PRR16: variants seen among roughly 807,000 people sequenced by gnomAD.
The protein encoded by PRR16 is proline rich 16.
A neutral mutation model predicts 18.2 loss-of-function variants in PRR16; 6 were observed. That is an observed-to-expected ratio of 0.33 (90% confidence interval 0.18 to 0.65). The LOEUF (loss-of-function observed/expected upper bound fraction) is 0.65. Ranked by LOEUF, PRR16 falls within the 30% of genes least tolerant of loss-of-function variation. The pLI is 0.74. For missense variants in PRR16, 412 were observed against 376.6 expected (o/e 1.09, Z -0.78); for synonymous variants, 151 against 147.8 (o/e 1.02, Z -0.16).
intron 1 of PRR16, among the ~76,000 whole-genome samples, chr5:120,582,869 T>C (rs1438051981): frequency 1.3e-5 from 2 of 152,234 alleles, no homozygotes; most frequent in Non-Finnish European, 1.5e-5. Flanking sequence ...TATTTATTGG[T>C]GCATAATAAA....
chr5:120,662,682 G>A (rs960433168), intron 1 of PRR16, among the ~76,000 whole-genome samples: 2 of 151,972 alleles, frequency 1.3e-5, no homozygotes, highest in Non-Finnish European at 1.5e-5. Context: ...AATTTAAAAA[G>A]CTCTGCTTAA....
At chr5:120,549,382 G>A (rs1204531967) in intron 1 of PRR16, among the ~76,000 whole-genome samples, 1 of 151,946 alleles carries the variant, frequency 6.6e-6, no homozygotes, top group Non-Finnish European at 1.5e-5. Flanking sequence ...CAGGGCCCAG[G>A]CTCCTTTATT....
chr5:120,655,516 TGTTAGAAGTAGTA>T (rs1031347521), intron 1 of PRR16, among the ~76,000 whole-genome samples: 6 of 151,338 alleles, frequency 4.0e-5, no homozygotes, highest in Non-Finnish European at 8.9e-5. Context: ...GGAGAGGAAG[TGTTAGAAGTAGTA>T]GTTTGACAAT....
chr5:120,716,881 A>G, the PRR16 span, among the ~76,000 whole-genome samples: 1 of 151,874 alleles, frequency 6.6e-6, no homozygotes, highest in Admixed American at 6.6e-5. Context: ...CAAAAAAACA[A>G]AACAAAATAA....
chr5:120,498,719 A>AT (rs1160638188), intron 1 of PRR16, among the ~76,000 whole-genome samples: 2 of 150,380 alleles, frequency 1.3e-5, no homozygotes, highest in Non-Finnish European at 3.0e-5. Flanking sequence ...CAGTTCTCTT[A>AT]TTTTTTATTT....
chr5:120,590,888 T>A (rs558897229), intron 1 of PRR16, among the ~76,000 whole-genome samples: 1 of 152,294 alleles, frequency 6.6e-6, no homozygotes, highest in Admixed American at 6.5e-5. Context: ...AGTTCTGGTA[T>A]AGAGTAGTGC....
intron 1 of PRR16, among the ~76,000 whole-genome samples, chr5:120,556,318 A>G (rs1340770109): frequency 1.4e-5 from 2 of 143,368 alleles, no homozygotes; most frequent in African/African-American, 5.3e-5. Context: ...GGAGGTCTGT[A>G]TAATCTGTAA....
chr5:120,674,103 C>T (rs1332869177), intron 1 of PRR16, among the ~76,000 whole-genome samples: 3 of 152,104 alleles, frequency 2.0e-5, no homozygotes, highest in East Asian at 1.9e-4. Context: ...TCTTACATGT[C>T]GACGCTACAG....
chr5:120,792,895 T>G, the PRR16 span, among the ~76,000 whole-genome samples: 3 of 150,790 alleles, frequency 2.0e-5, no homozygotes, highest in Non-Finnish European at 4.5e-5. Flanking sequence ...CTCACGCCTG[T>G]TAATCCAGAA....
chr5:120,758,680 G>A, the PRR16 span, among the ~76,000 whole-genome samples: 751 of 152,068 alleles, frequency 4.9e-3, 7 homozygotes, highest in African/African-American at 0.016. Flanking sequence ...CATGTAAGAC[G>A]TGCCTTGCTT....
intron 1 of PRR16, among the ~76,000 whole-genome samples, chr5:120,661,331 A>C (rs956528834): frequency 5.9e-5 from 9 of 151,950 alleles, no homozygotes; most frequent in African/African-American, 1.7e-4. Context: ...TCTGAGACCA[A>C]CCTGACTTTT....
chr5:120,789,668 T>C, the PRR16 span, among the ~76,000 whole-genome samples: 6 of 152,228 alleles, frequency 3.9e-5, no homozygotes, highest in South Asian at 1.2e-3. Context: ...TTATCTGAAG[T>C]TCTAAACACT....
At chr5:120,620,025 C>T (rs1013834981) in intron 1 of PRR16, among the ~76,000 whole-genome samples, 7 of 151,864 alleles carry the variant, frequency 4.6e-5, no homozygotes, top group African/African-American at 1.7e-4. Flanking sequence ...GTTATTAGAG[C>T]GGAGCTAAAA....
At chr5:120,475,811 A>C (rs969133217) in intron 1 of PRR16, among the ~76,000 whole-genome samples, 1 of 152,186 alleles carries the variant, frequency 6.6e-6, no homozygotes, top group African/African-American at 2.4e-5. Context: ...TATTCCATAT[A>C]GATAAAATAG....
Position 120,464,622 on chromosome 5 carries a change from G to A in PRR16, c.136G>A (p.Asp46Asn), listed in dbSNP as rs1328992170. The A allele has an allele frequency of 6.4e-7, 1 of 1,571,426 alleles. No individual in the cohort carries two copies. Among genetic ancestry groups the A allele is most frequent in the Non-Finnish European group, 8.6e-7 (1 of 1,166,316 alleles). ...DLELVLGDLKDVAKELKEVVD... is the reference protein window; with the variant it reads ...DLELVLGDLKNVAKELKEVVD... ...GGAATTAGTCCTGGGCGACCTGAAG[G>A]ACGTGGCCAAGGAACTTAAGGAGGT... The change falls in exon 1 of 2, where the codon GAC becomes AAC. Residue 46 changes from aspartate to asparagine, a missense_variant. Transcript: ENST00000407149.
At chr5:120,509,113 T>TAAAA (rs1750740427) in intron 1 of PRR16, among the ~76,000 whole-genome samples, 1 of 152,148 alleles carries the variant, frequency 6.6e-6, no homozygotes, top group South Asian at 2.1e-4. Flanking sequence ...CGATAGTGAA[T>TAAAA]TTTTAATTAG....
chr5:120,524,333 C>T (rs778140135), intron 1 of PRR16, among the ~76,000 whole-genome samples: 7 of 152,096 alleles, frequency 4.6e-5, no homozygotes, highest in Non-Finnish European at 1.0e-4. Flanking sequence ...ATTGAAATCA[C>T]GCCTTTCTTT....
At chr5:120,581,131 C>T (rs1019953188) in intron 1 of PRR16, among the ~76,000 whole-genome samples, 10 of 152,092 alleles carry the variant, frequency 6.6e-5, no homozygotes, top group Non-Finnish European at 1.5e-4. Flanking sequence ...GTAGAATTCA[C>T]CTGTAAATCC....
chr5:120,782,364 G>C, the PRR16 span, among the ~76,000 whole-genome samples: 1 of 152,046 alleles, frequency 6.6e-6, no homozygotes, highest in Non-Finnish European at 1.5e-5. Context: ...ATGGCACTTG[G>C]GGTTTTATTA....
Sources: gnomAD v4.1 joint callset for allele counts (sites outside exome capture counted in the v4.1 genomes callset) on GRCh38, gnomAD v4.1.1 for gene constraint, MANE v1.5 for transcripts, NCBI Gene and HGNC (gene_info 2026-07-23, HGNC 2026-07-21) for gene names.